ASTN2: variants seen among roughly 807,000 people sequenced by gnomAD.
The protein encoded by ASTN2 is astrotactin 2.
A neutral mutation model predicts 139.8 loss-of-function variants in ASTN2; 54 were observed. The ratio of observed to expected loss-of-function variants is 0.39; its 90% CI spans 0.31 to 0.48. The LOEUF is 0.48. Ranked by LOEUF, ASTN2 falls within the 20% of genes least tolerant of loss-of-function variation. The pLI is 0.95. For missense variants in ASTN2, 1,565 were observed against 1,725.1 expected, an observed-to-expected ratio of 0.91 and a Z score of 1.64; for synonymous variants, 756 against 719.5, an observed-to-expected ratio of 1.05 and a Z score of -0.81.
chr9:116,487,285 A>T (rs1340578140), intron 20 of ASTN2, 74 bp downstream of exon 20: 1 of 1,568,378 alleles, frequency 6.4e-7, no homozygotes, highest in Non-Finnish European at 8.7e-7. Context: ...TGCACAGAAT[A>T]ACTCATGCCA....
intron 7 of ASTN2, among the ~76,000 whole-genome samples, chr9:116,996,455 T>A (rs1364808198): frequency 6.6e-6 from 1 of 152,000 alleles, no homozygotes; most frequent in African/African-American, 2.4e-5. Flanking sequence ...CTATTTACTA[T>A]AAAGGAAAAA....
At chr9:117,116,555 T>C (rs1829396387) in intron 4 of ASTN2, among the ~76,000 whole-genome samples, 1 of 149,166 alleles carries the variant, frequency 6.7e-6, no homozygotes, top group Non-Finnish European at 1.5e-5. Flanking sequence ...ATAGACAATG[T>C]TAAGGGAAAA....
chr9:116,935,809 A>C (rs1835050951), intron 10 of ASTN2, among the ~76,000 whole-genome samples: 1 of 152,180 alleles, frequency 6.6e-6, no homozygotes, highest in South Asian at 2.1e-4. Flanking sequence ...GTATTTGTTT[A>C]GTACGATTTA....
At chr9:117,160,230 A>G (rs1001720656) in intron 3 of ASTN2, among the ~76,000 whole-genome samples, 1 of 152,034 alleles carries the variant, frequency 6.6e-6, no homozygotes, top group Admixed American at 6.6e-5. Flanking sequence ...AAATGTTTCA[A>G]GTTTCTACAA....
chr9:117,328,161 G>A (rs1476230928), intron 1 of ASTN2, among the ~76,000 whole-genome samples: 1 of 152,084 alleles, frequency 6.6e-6, no homozygotes, highest in Non-Finnish European at 1.5e-5. Context: ...TCGGACTCGG[G>A]GTCAGTTTCT....
At chr9:116,858,050 A>T (rs1355602760) in intron 11 of ASTN2, among the ~76,000 whole-genome samples, 1 of 152,172 alleles carries the variant, frequency 6.6e-6, no homozygotes. Context: ...TGACAGCCCC[A>T]GCTCAGGTCC....
chr9:116,668,196 T>C (rs917357513), intron 16 of ASTN2, among the ~76,000 whole-genome samples: 2 of 94,226 alleles, frequency 2.1e-5, no homozygotes, highest in African/African-American at 6.0e-5. Flanking sequence ...TCAGATTGGC[T>C]TTTTTTTTTT....
At chr9:116,434,989 T>C (rs112428696) in intron 22 of ASTN2, among the ~76,000 whole-genome samples, 6 of 152,320 alleles carry the variant, frequency 3.9e-5, no homozygotes, top group African/African-American at 1.4e-4. Flanking sequence ...AGAATCCTAA[T>C]AGAGCTCATC....
intron 1 of ASTN2, among the ~76,000 whole-genome samples, chr9:117,398,237 G>A (rs558214117): frequency 5.3e-5 from 8 of 152,204 alleles, no homozygotes; most frequent in African/African-American, 1.4e-4. Context: ...ATTATAAGAC[G>A]GACAGTAAGA....
intron 6 of ASTN2, among the ~76,000 whole-genome samples, chr9:117,021,471 C>T (rs996384402): frequency 1.6e-4 from 25 of 152,128 alleles, no homozygotes; most frequent in African/African-American, 5.6e-4. Context: ...AATGGGCATG[C>T]GCAGAGACCC....
At chr9:116,840,674 A>C (rs1437116937) in intron 11 of ASTN2, among the ~76,000 whole-genome samples, 1 of 78,690 alleles carries the variant, frequency 1.3e-5, no homozygotes, top group Non-Finnish European at 3.2e-5. Flanking sequence ...GGCGGTTGCC[A>C]GGCAGAGGGT....
At chr9:116,967,404 G>C (rs1836043944) in intron 10 of ASTN2, among the ~76,000 whole-genome samples, 1 of 152,114 alleles carries the variant, frequency 6.6e-6, no homozygotes, top group Non-Finnish European at 1.5e-5. Context: ...GCAGGTAAGT[G>C]GGTTCCCTAT....
intron 19 of ASTN2, among the ~76,000 whole-genome samples, chr9:116,522,878 T>C (rs1345054948): frequency 6.6e-6 from 1 of 152,150 alleles, no homozygotes. Flanking sequence ...TTATCTCTAC[T>C]AAAGCAGCTG....
chr9:117,178,593 C>A (rs753695332), intron 3 of ASTN2, among the ~76,000 whole-genome samples: 2 of 152,148 alleles, frequency 1.3e-5, no homozygotes, highest in Non-Finnish European at 2.9e-5. Flanking sequence ...AATGGATAAG[C>A]GCTCAGAGGG....
chr9:117,353,943 G>A (rs1435435442), intron 1 of ASTN2, among the ~76,000 whole-genome samples: 3 of 152,180 alleles, frequency 2.0e-5, no homozygotes, highest in Admixed American at 1.3e-4. Context: ...TTTTAGGGCA[G>A]CGGAACCATT....
intron 4 of ASTN2, among the ~76,000 whole-genome samples, chr9:117,125,906 A>C (rs1829678236): frequency 6.6e-6 from 1 of 152,174 alleles, no homozygotes. Flanking sequence ...ATGCAAACTA[A>C]GTTGTGGTAT....
At chr9:116,489,762 TG>T (rs1363217989) in intron 19 of ASTN2, among the ~76,000 whole-genome samples, 2 of 152,266 alleles carry the variant, frequency 1.3e-5, no homozygotes, top group Non-Finnish European at 2.9e-5. Flanking sequence ...AGAAGGTATT[TG>T]CTCCTTTAGT....
At chr9:116,797,908 C>T (rs1289057147) in intron 13 of ASTN2, among the ~76,000 whole-genome samples, 1 of 152,150 alleles carries the variant, frequency 6.6e-6, no homozygotes, top group Non-Finnish European at 1.5e-5. Context: ...CTGGCTTATT[C>T]ATTTATTAGT....
chr9:116,993,794 T>C (rs888696289), intron 7 of ASTN2, among the ~76,000 whole-genome samples: 1 of 147,112 alleles, frequency 6.8e-6, no homozygotes, highest in African/African-American at 2.5e-5. Flanking sequence ...ACTTTATATA[T>C]GTATGTATGT....
Sources: gnomAD v4.1 joint callset for allele counts (sites outside exome capture counted in the v4.1 genomes callset) on GRCh38, gnomAD v4.1.1 for gene constraint, MANE v1.5 for transcripts, NCBI Gene and HGNC (gene_info 2026-07-23, HGNC 2026-07-21) for gene names.